The following ZNF148 variants were observed in gnomAD, a reference collection of about 807,000 sequenced individuals.
ZNF148 encodes the protein zinc finger protein 148.
In ZNF148, 7 loss-of-function variants were observed where a neutral mutation model predicts 67.7. The ratio of observed to expected loss-of-function variants is 0.10; its 90% confidence interval spans 0.06 to 0.19. ZNF148 has a LOEUF of 0.19. Ranked by LOEUF, ZNF148 falls within the 10% of genes least tolerant of loss-of-function variation. ZNF148 has a pLI of 1.00. For missense variants in ZNF148, 583 were observed against 947.1 expected, an observed-to-expected ratio of 0.62 and a Z score of 5.05; for synonymous variants, 333 against 330.7, an observed-to-expected ratio of 1.01 and a Z score of -0.08.
chr3:125,360,950 T>C (rs1451632937), intron 1 of ZNF148, among the ~76,000 whole-genome samples: 4 of 151,816 alleles, frequency 2.6e-5, no homozygotes, highest in Non-Finnish European at 5.9e-5. Context: ...GAGAATTGCT[T>C]GAGCCCAGGA....
intron 7 of ZNF148, among the ~76,000 whole-genome samples, chr3:125,243,801 C>T (rs571460515): frequency 5.9e-5 from 9 of 152,288 alleles, no homozygotes; most frequent in African/African-American, 1.9e-4. Flanking sequence ...ATTGTGATTA[C>T]AGACATGAAC....
intron 5 of ZNF148, among the ~76,000 whole-genome samples, chr3:125,280,698 C>T (rs1447938989): frequency 2.0e-5 from 3 of 149,180 alleles, no homozygotes; most frequent in Non-Finnish European, 3.0e-5. Flanking sequence ...AAAAAAATTG[C>T]CTTTCATCAG....
intron 4 of ZNF148, among the ~76,000 whole-genome samples, chr3:125,293,250 A>T (rs1251471087): frequency 1.3e-5 from 2 of 152,160 alleles, no homozygotes; most frequent in African/African-American, 4.8e-5. Flanking sequence ...GATACATCTT[A>T]ACTATACAAT....
chr3:125,359,071 C>T (rs1265143755), intron 1 of ZNF148, among the ~76,000 whole-genome samples: 1 of 152,216 alleles, frequency 6.6e-6, no homozygotes, highest in Non-Finnish European at 1.5e-5. Flanking sequence ...CAACAAGGTC[C>T]AGTCTGAGGC....
At position 125,312,150 on chromosome 3, in the gene ZNF148, A is replaced by G. The variant is rs372466437; in HGVS notation, c.333+1158T>C. 2.2e-4 allele frequency among the ~76,000 whole-genome samples: 34 copies of G among 152,346 alleles called. 1 individual carries two copies. Among genetic ancestry groups the G allele is most frequent in the African/African-American group, 7.9e-4 (33 of 41,572 alleles). Reference sequence around the variant, plus strand: ...AAAGACATCAAGAAAACTATAGACTAATATTTCTCATGAACACAAATGTAA... The same window carrying G: ...AAAGACATCAAGAAAACTATAGACTGATATTTCTCATGAACACAAATGTAA... On this transcript the variant is annotated intron_variant, in intron 4 of 8. Transcript: ENST00000360647.
intron 4 of ZNF148, among the ~76,000 whole-genome samples, chr3:125,289,227 G>C (rs1938873576): frequency 6.6e-6 from 1 of 152,102 alleles, no homozygotes; most frequent in Non-Finnish European, 1.5e-5. Flanking sequence ...TAAAAAGCAT[G>C]GTGCAAAAGA....
chr3:125,265,920 T>C (rs1426897594), intron 7 of ZNF148, among the ~76,000 whole-genome samples: 1 of 152,158 alleles, frequency 6.6e-6, no homozygotes, highest in Non-Finnish European at 1.5e-5. Flanking sequence ...GTAGGGGTCA[T>C]TATTCTTGTA....
At chr3:125,291,420 G>A (rs1939005068) in intron 4 of ZNF148, among the ~76,000 whole-genome samples, 1 of 152,092 alleles carries the variant, frequency 6.6e-6, no homozygotes, top group African/African-American at 2.4e-5. Context: ...CTTGGCAGAA[G>A]GATATGACCT....
intron 1 of ZNF148, among the ~76,000 whole-genome samples, chr3:125,341,511 C>T (rs1415449451): frequency 6.6e-6 from 1 of 152,002 alleles, no homozygotes; most frequent in African/African-American, 2.4e-5. Context: ...GTCCCAGCTA[C>T]TTGCCAGGCT....
chr3:125,369,180 TG>T (rs1370741254), intron 1 of ZNF148, among the ~76,000 whole-genome samples: 3 of 133,676 alleles, frequency 2.2e-5, no homozygotes, highest in Non-Finnish European at 3.1e-5. Context: ...GAGAATCAGT[TG>T]AACTCAGGAG....
At chr3:125,249,114 G>C (rs1036451574) in intron 7 of ZNF148, among the ~76,000 whole-genome samples, 1 of 152,140 alleles carries the variant, frequency 6.6e-6, no homozygotes, top group African/African-American at 2.4e-5. Context: ...CTTGACATGG[G>C]TCTTGGTAAT....
At chr3:125,365,453 T>TATACTAATATTTGG (rs1942673193) in intron 1 of ZNF148, among the ~76,000 whole-genome samples, 1 of 152,188 alleles carries the variant, frequency 6.6e-6, no homozygotes, top group Non-Finnish European at 1.5e-5. Flanking sequence ...TATACTCTAA[T>TATACTAATATTTGG]GTACTGCACT....
intron 1 of ZNF148, among the ~76,000 whole-genome samples, chr3:125,342,513 C>G (rs1941771932): frequency 2.6e-5 from 4 of 151,520 alleles, no homozygotes; most frequent in African/African-American, 9.7e-5. Context: ...CAACTGCCAA[C>G]TGGGAATTCT....
intron 7 of ZNF148, among the ~76,000 whole-genome samples, chr3:125,252,418 G>C (rs1218095873): frequency 6.6e-6 from 1 of 152,018 alleles, no homozygotes; most frequent in Admixed American, 6.6e-5. Flanking sequence ...ATCCAGAAAT[G>C]ATTTTTGTAT....
At chr3:125,309,665 G>A (rs886176354) in intron 4 of ZNF148, among the ~76,000 whole-genome samples, 1 of 152,178 alleles carries the variant, frequency 6.6e-6, no homozygotes. Context: ...GTACATTTTA[G>A]CTGTTTAGTA....
intron 5 of ZNF148, among the ~76,000 whole-genome samples, chr3:125,280,107 T>C (rs986808874): frequency 6.6e-6 from 1 of 152,170 alleles, no homozygotes; most frequent in African/African-American, 2.4e-5. Context: ...TTATTAAACA[T>C]ATTCCTAAGA....
At chr3:125,257,558 TAAAAAA>T (rs747363908) in intron 7 of ZNF148, among the ~76,000 whole-genome samples, 1 of 92,350 alleles carries the variant, frequency 1.1e-5, no homozygotes, top group Non-Finnish European at 2.0e-5. Context: ...CCGTCTCTAT[TAAAAAA>T]AAAAAAAAAA....
intron 4 of ZNF148, among the ~76,000 whole-genome samples, chr3:125,288,467 A>C (rs941598988): frequency 6.6e-6 from 1 of 151,828 alleles, no homozygotes; most frequent in Non-Finnish European, 1.5e-5. Context: ...CTACCTGAGA[A>C]AAAAGATCAA....
intron 1 of ZNF148, among the ~76,000 whole-genome samples, chr3:125,364,029 A>G (rs1942627104): frequency 6.6e-6 from 1 of 152,172 alleles, no homozygotes. Flanking sequence ...CCAGATTAGT[A>G]TTCTTAAATA....
Sources: allele counts gnomAD v4.1 joint callset (sites outside exome capture counted in the v4.1 genomes callset), GRCh38; gene constraint gnomAD v4.1.1; transcripts MANE v1.5; gene names NCBI Gene and HGNC (gene_info 2026-07-23, HGNC 2026-07-21).